ZNF385D: variants seen among roughly 807,000 people sequenced by gnomAD.
ZNF385D encodes the protein zinc finger protein 659.
A neutral mutation model predicts 35.8 loss-of-function variants in ZNF385D; 15 were observed. That is an observed-to-expected ratio of 0.42 (90% CI 0.28 to 0.64). ZNF385D has a LOEUF of 0.64. ZNF385D is among the 30% of genes least tolerant of loss of function. The pLI is 0.23. For synonymous variants in ZNF385D, 212 were observed against 186.8 expected (o/e 1.13, Z -1.10); for missense variants, 474 against 494.6 (o/e 0.96, Z 0.39).
At chr3:22,037,181 T>C (rs1394169390) in intron 3 of ZNF385D, among the ~76,000 whole-genome samples, 2 of 151,560 alleles carry the variant, frequency 1.3e-5, no homozygotes, top group South Asian at 2.1e-4. Flanking sequence ...TACGTGTGCA[T>C]GTGTCTTTAT....
intron 3 of ZNF385D, among the ~76,000 whole-genome samples, chr3:21,763,168 G>T (rs1228210733): frequency 6.6e-6 from 1 of 152,136 alleles, no homozygotes; most frequent in Non-Finnish European, 1.5e-5. Context: ...TCTCTCCAGA[G>T]ACCTGTTGAT....
intron 3 of ZNF385D, chr3:21,979,798 C>A (rs1694317407): frequency 6.7e-6 from 1 of 149,078 alleles, no homozygotes; most frequent in South Asian, 2.1e-4. Context: ...ATGGGTCTTG[C>A]CTTCACCAAA....
At chr3:22,231,654 A>T (rs1037843659) in intron 2 of ZNF385D, among the ~76,000 whole-genome samples, 1 of 151,910 alleles carries the variant, frequency 6.6e-6, no homozygotes, top group African/African-American at 2.4e-5. Context: ...TCTGTCTTCC[A>T]TACCTACTGG....
chr3:21,471,225 C>T (rs1012412771), intron 4 of ZNF385D, among the ~76,000 whole-genome samples: 4 of 151,630 alleles, frequency 2.6e-5, no homozygotes, highest in African/African-American at 7.3e-5. Context: ...ATTCATTTCA[C>T]TGAACCATAT....
At chr3:21,707,339 G>C (rs1402236665) in intron 1 of ZNF385D, among the ~76,000 whole-genome samples, 1 of 152,104 alleles carries the variant, frequency 6.6e-6, no homozygotes. Flanking sequence ...CAGTCCTTTG[G>C]TACAGTAGGA....
intron 3 of ZNF385D, among the ~76,000 whole-genome samples, chr3:21,830,478 C>T (rs937851210): frequency 7.2e-5 from 11 of 152,136 alleles, no homozygotes; most frequent in African/African-American, 9.7e-5. Context: ...ATATTAGGTG[C>T]GCTGGGAAAG....
At chr3:21,935,655 C>A (rs1559769790) in intron 3 of ZNF385D, among the ~76,000 whole-genome samples, 1 of 152,044 alleles carries the variant, frequency 6.6e-6, no homozygotes, top group Non-Finnish European at 1.5e-5. Context: ...TAGAAGTGAC[C>A]TTTTTTTCTT....
intron 2 of ZNF385D, among the ~76,000 whole-genome samples, chr3:22,294,249 T>C (rs993094856): frequency 1.3e-5 from 2 of 152,078 alleles, no homozygotes; most frequent in Non-Finnish European, 2.9e-5. Flanking sequence ...CTCTAGTTAA[T>C]AGGAGGTGGA....
At chr3:22,056,809 G>T (rs985553431) in intron 3 of ZNF385D, among the ~76,000 whole-genome samples, 1 of 152,196 alleles carries the variant, frequency 6.6e-6, no homozygotes, top group African/African-American at 2.4e-5. Context: ...GGCTGGCCTT[G>T]GCTACAGGCT....
intron 4 of ZNF385D, among the ~76,000 whole-genome samples, chr3:21,470,762 T>C (rs1431392792): frequency 6.6e-6 from 1 of 152,078 alleles, no homozygotes; most frequent in African/African-American, 2.4e-5. Flanking sequence ...AATATACATA[T>C]ATTTTGAGTT....
chr3:21,758,975 C>CAAGAAAAAAAA (rs2070471868), intron 3 of ZNF385D, among the ~76,000 whole-genome samples: 1 of 29,222 alleles, frequency 3.4e-5, no homozygotes, highest in African/African-American at 1.4e-4. Flanking sequence ...TCATCACTGG[C>CAAGAAAAAAAA]AAAAAAAAAA....
At chr3:21,930,227 A>G in intron 3 of ZNF385D, among the ~76,000 whole-genome samples, 1 of 151,736 alleles carries the variant, frequency 6.6e-6, no homozygotes, top group South Asian at 2.1e-4. Context: ...TGCTTGAACT[A>G]TAGGGTATCT....
chr3:22,352,802 C>T (rs893129696), intron 2 of ZNF385D, among the ~76,000 whole-genome samples: 1 of 152,178 alleles, frequency 6.6e-6, no homozygotes, highest in Non-Finnish European at 1.5e-5. Flanking sequence ...GTTCAAGTCC[C>T]TCTTTCCATT....
At chr3:21,726,618 G>T (rs181807462) in intron 1 of ZNF385D, among the ~76,000 whole-genome samples, 71 of 152,144 alleles carry the variant, frequency 4.7e-4, no homozygotes, top group Non-Finnish European at 8.7e-4. Flanking sequence ...GACTTACAAG[G>T]GATACGAAGG....
chr3:21,956,158 G>C (rs1435358953), intron 3 of ZNF385D, among the ~76,000 whole-genome samples: 2 of 151,848 alleles, frequency 1.3e-5, no homozygotes. Context: ...CTGCATTGAA[G>C]ACTGGGTGAG....
chr3:22,148,529 GGC>G (rs2125715307), intron 3 of ZNF385D, among the ~76,000 whole-genome samples: 1 of 152,194 alleles, frequency 6.6e-6, no homozygotes, highest in East Asian at 1.9e-4. Context: ...GCATCCATGT[GGC>G]TACAAACCAA....
chr3:22,343,054 T>C (rs1695494847), intron 2 of ZNF385D, among the ~76,000 whole-genome samples: 1 of 152,264 alleles, frequency 6.6e-6, no homozygotes, highest in South Asian at 2.1e-4. Flanking sequence ...TATTGTTTTA[T>C]AATGATTATA....
chr3:22,090,470 G>C (rs1020557964), intron 3 of ZNF385D, among the ~76,000 whole-genome samples: 2 of 151,918 alleles, frequency 1.3e-5, no homozygotes. Context: ...CATGGTGTGG[G>C]ATAGATTTTT....
chr3:21,953,993 A>G (rs1272287631), intron 3 of ZNF385D, among the ~76,000 whole-genome samples: 2 of 152,172 alleles, frequency 1.3e-5, no homozygotes, highest in East Asian at 1.9e-4. Flanking sequence ...AAGCTGGACA[A>G]AAGAGAAAAA....
Sources: gnomAD v4.1 joint callset for allele counts (sites outside exome capture counted in the v4.1 genomes callset) on GRCh38, gnomAD v4.1.1 for gene constraint, MANE v1.5 for transcripts, NCBI Gene and HGNC (gene_info 2026-07-23, HGNC 2026-07-21) for gene names.